The following ZNF486 variants were observed in gnomAD, a reference collection of about 807,000 sequenced individuals.
ZNF486 encodes the protein zinc finger protein 486.
A neutral mutation model predicts 12.8 loss-of-function variants in ZNF486; 12 were observed. The ratio of observed to expected loss-of-function variants is 0.94; its 90% CI spans 0.60 to 1.52. ZNF486 has a LOEUF of 1.52. Ranked by LOEUF, ZNF486 falls within the 40% of genes most tolerant of loss-of-function variation. ZNF486 has a pLI of 0.00. For synonymous variants in ZNF486, 231 were observed against 184.9 expected (o/e 1.25, Z -2.02); for missense variants, 738 against 545.0 (o/e 1.35, Z -3.53).
chr19:20,179,054 A>C (rs1555715199), intron 1 of ZNF486, among the ~76,000 whole-genome samples: 2 of 152,218 alleles, frequency 1.3e-5, no homozygotes, highest in African/African-American at 2.4e-5. Flanking sequence ...GAGATTTGGG[A>C]AATAAAAAAC....
intron 1 of ZNF486, among the ~76,000 whole-genome samples, chr19:20,180,397 A>G (rs2089771566): frequency 6.6e-6 from 1 of 152,146 alleles, no homozygotes; most frequent in South Asian, 2.1e-4. Context: ...CATGGTTCCT[A>G]CAGTCCAGAA....
Position 20,184,449 on chromosome 19 carries a change from A to T in ZNF486, c.124A>T (p.Met42Leu). ...TAQQNLYRDVMLENYRHLVFL... is the reference protein window; with the variant it reads ...TAQQNLYRDVLLENYRHLVFL... ...ACAGCAGAATTTATATAGGGATGTG[A>T]TGTTAGAGAACTACAGACACCTGGT... The change falls in exon 2 of 4, where the codon ATG (methionine) becomes TTG (leucine). Residue 42 changes from methionine to leucine, a missense_variant. By Grantham distance (15) the Met-to-Leu change is conservative (BLOSUM62 2). Coordinates refer to ENST00000335117, the MANE Select transcript of ZNF486 (RefSeq NM_052852.4). 1 of 1,613,380 alleles carries T rather than the reference A, an allele frequency of 6.2e-7. No homozygotes were observed. The highest frequency in any genetic ancestry group is 1.7e-4 in the Middle Eastern group (1 of 6,050).
intron 1 of ZNF486, among the ~76,000 whole-genome samples, chr19:20,181,192 T>G (rs1243466757): frequency 6.6e-6 from 1 of 152,164 alleles, no homozygotes; most frequent in African/African-American, 2.4e-5. Context: ...TGGTGAATCC[T>G]GCTGCCTTTC....
chr19:20,195,653 G>C (rs533943606), intron 3 of ZNF486, among the ~76,000 whole-genome samples: 2 of 152,144 alleles, frequency 1.3e-5, no homozygotes, highest in Admixed American at 6.5e-5. Context: ...TTGTCCTGGC[G>C]TAGCATGAAA....
At chr19:20,188,254 T>A (rs1332552245) in intron 3 of ZNF486, 2 of 386,582 alleles carry the variant, frequency 5.2e-6, no homozygotes, top group Non-Finnish European at 9.1e-6. Context: ...ATATTTCCTT[T>A]TGTGAGAGAA....
chr19:20,183,392 A>G (rs1440879437), intron 1 of ZNF486, among the ~76,000 whole-genome samples: 1 of 152,260 alleles, frequency 6.6e-6, no homozygotes, highest in East Asian at 1.9e-4. Context: ...TCTGAAAGAA[A>G]TTATTAGGAG....
chr19:20,185,905 A>T, intron 2 of ZNF486, 82 bp from the exon 3 acceptor site: 1 of 773,960 alleles, frequency 1.3e-6, no homozygotes, highest in Non-Finnish European at 1.9e-6. Context: ...ATATTTTATT[A>T]CATTCTTTCT....
chr19:20,179,059 A>G (rs566940597), intron 1 of ZNF486, among the ~76,000 whole-genome samples: 2 of 152,352 alleles, frequency 1.3e-5, no homozygotes, highest in Non-Finnish European at 2.9e-5. Flanking sequence ...TTGGGAAATA[A>G]AAAACTTTTG....
At chr19:20,175,147 A>G (rs1460164623) in intron 1 of ZNF486, 1 of 152,030 alleles carries the variant, frequency 6.6e-6, no homozygotes, top group East Asian at 1.9e-4. Flanking sequence ...ACCTTTCTTC[A>G]TAATGCTCAT....
In ZNF486 at chr19:20,186,080, C is replaced by T. The variant is rs919757270; in HGVS notation, c.251C>T (p.Pro84Leu). The T allele has an allele frequency of 2.9e-5, 46 of 1,578,458 alleles. No homozygotes were observed. Among genetic ancestry groups the T allele is most frequent in the Non-Finnish European group, 3.9e-5 (45 of 1,166,702 alleles). Residue 84 changes from proline (P) to leucine (L), a missense_variant and splice_region_variant, in exon 3 of 4, where the codon CCA becomes CTA. Pro to Leu is a moderately conservative substitution (Grantham distance 98). Coordinates refer to ENST00000335117, the MANE Select transcript of ZNF486 (RefSeq NM_052852.4). ...MKRHEMIAKP[P>L]VVCSHFAQDL... ...AGACATGAGATGATTGCCAAACCCC[C>T]AGGTAGGTGCGAATGAAAATGAACA...
intron 1 of ZNF486, among the ~76,000 whole-genome samples, chr19:20,178,454 A>AG (rs1555715138): frequency 6.6e-6 from 1 of 151,892 alleles, no homozygotes; most frequent in East Asian, 1.9e-4. Context: ...TGTGTTAGTT[A>AG]GATGGTCTCG....
intron 1 of ZNF486, among the ~76,000 whole-genome samples, chr19:20,180,181 T>C (rs1450601378): frequency 5.3e-5 from 8 of 152,224 alleles, no homozygotes; most frequent in Non-Finnish European, 4.4e-5. Flanking sequence ...GAGTGGTTAA[T>C]TCTGCTTCTG....
intron 3 of ZNF486, among the ~76,000 whole-genome samples, chr19:20,189,938 AGTTTCTTTAT>A (rs1286426813): frequency 2.0e-5 from 3 of 152,112 alleles, no homozygotes; most frequent in Admixed American, 1.3e-4. Context: ...TAGATTTGTT[AGTTTCTTTAT>A]GTCTAAGTAT....
intron 3 of ZNF486, among the ~76,000 whole-genome samples, chr19:20,189,108 T>A (rs1370071431): frequency 6.6e-6 from 1 of 152,152 alleles, no homozygotes; most frequent in Admixed American, 6.5e-5. Context: ...GGATTCTCAC[T>A]CTGTCACCCA....
At chr19:20,171,783 A>G (rs892099130) in intron 1 of ZNF486, among the ~76,000 whole-genome samples, 1 of 152,040 alleles carries the variant, frequency 6.6e-6, no homozygotes, top group Admixed American at 6.6e-5. Flanking sequence ...AAATTATGTC[A>G]TGGGGATTTG....
intron 3 of ZNF486, among the ~76,000 whole-genome samples, chr19:20,190,692 T>A (rs1555717063): frequency 6.6e-6 from 1 of 152,230 alleles, no homozygotes; most frequent in Non-Finnish European, 1.5e-5. Context: ...GTCAGTACTT[T>A]TAAATTTAAT....
chr19:20,175,922 C>CCCTCA (rs1244087490), intron 1 of ZNF486, among the ~76,000 whole-genome samples: 15 of 145,014 alleles, frequency 1.0e-4, no homozygotes, highest in Admixed American at 2.7e-4. Context: ...GCAGAGGCGC[C>CCCTCA]CCTCACCTCC....
chr19:20,183,795 C>A (rs1425992725), intron 1 of ZNF486, among the ~76,000 whole-genome samples: 1 of 152,058 alleles, frequency 6.6e-6, no homozygotes, highest in African/African-American at 2.4e-5. Flanking sequence ...AGCCTCTTAT[C>A]TTTGTTTACA....
At chr19:20,188,637 AC>A (rs1276975313) in intron 3 of ZNF486, 2 of 394,906 alleles carry the variant, frequency 5.1e-6, no homozygotes, top group African/African-American at 4.1e-5. Context: ...ACAGAGTGAG[AC>A]CCTGTCTCCA....
Sources: gnomAD v4.1 joint callset for allele counts (sites outside exome capture counted in the v4.1 genomes callset) on GRCh38, gnomAD v4.1.1 for gene constraint, MANE v1.5 for transcripts, NCBI Gene and HGNC (gene_info 2026-07-23, HGNC 2026-07-21) for gene names.